RBFOX1: variants seen among roughly 807,000 people sequenced by gnomAD.
RBFOX1 encodes RNA binding protein fox-1 homolog 1.
A neutral mutation model predicts 57.7 loss-of-function variants in RBFOX1; 8 were observed. The observed-to-expected ratio is 0.14, with a 90% CI of 0.08 to 0.25. The LOEUF (loss-of-function observed/expected upper bound fraction) is 0.25. Ranked by LOEUF, RBFOX1 falls within the 10% of genes least tolerant of loss-of-function variation. The pLI, the probability that RBFOX1 is intolerant of heterozygous loss-of-function variation, is 1.00. For synonymous variants in RBFOX1, 326 were observed against 222.4 expected, an observed-to-expected ratio of 1.47 and a Z score of -4.15; for missense variants, 611 against 548.5, an observed-to-expected ratio of 1.11 and a Z score of -1.14.
Position 7,484,008 on chromosome 16 carries a change from C to G in RBFOX1, c.28-34139C>G, listed in dbSNP as rs74010519. Among the ~76,000 whole-genome samples the G allele has an allele frequency of 3.3e-5, 5 of 152,316 alleles. No homozygotes were observed. The East Asian group carries it at 7.7e-4, about 24-fold the overall frequency. ...TTATTTTCAGTCTATTCTGCCCCCC[C>G]ATTCCCTAACCCCTGGCAAGTATTA... On this transcript the variant is annotated intron_variant, in intron 4 of 15. Coordinates refer to ENST00000550418, the MANE Select transcript of RBFOX1 (RefSeq NM_018723.4).
intron 4 of RBFOX1, among the ~76,000 whole-genome samples, chr16:7,090,372 G>C (rs1041727416): frequency 6.6e-6 from 1 of 152,122 alleles, no homozygotes; most frequent in Admixed American, 6.5e-5. Flanking sequence ...GCTGGGGGGA[G>C]GTGTGGGGTA....
intron 2 of RBFOX1, among the ~76,000 whole-genome samples, chr16:6,506,054 G>A (rs1209520940): frequency 1.3e-5 from 2 of 152,182 alleles, no homozygotes; most frequent in African/African-American, 2.4e-5. Flanking sequence ...CCTGATTCTA[G>A]CAAAGCAGTT....
intron 1 of RBFOX1, among the ~76,000 whole-genome samples, chr16:6,029,950 G>A (rs1236320679): frequency 6.6e-6 from 1 of 152,126 alleles, no homozygotes; most frequent in Non-Finnish European, 1.5e-5. Flanking sequence ...AGTCTCATTT[G>A]TTGCCCAGGC....
intron 2 of RBFOX1, among the ~76,000 whole-genome samples, chr16:5,593,544 A>G (rs1321927030): frequency 1.3e-5 from 2 of 152,144 alleles, no homozygotes; most frequent in African/African-American, 4.8e-5. Context: ...AAGTTGGCCA[A>G]AACCCACCAA....
rs949540777 is a variant in RBFOX1, at chr16:7,568,574, T to C, written c.271-11203T>C. Among the ~76,000 whole-genome samples, 2 of 152,140 alleles carry C rather than the reference T, an allele frequency of 1.3e-5. 1 individual carries two copies. The highest frequency in any genetic ancestry group is 4.1e-4 in the South Asian group (2 of 4,824). ...ACCTGTATCTTGTGCTGACCTCTTA[T>C]CTCATCCTGTGACTTAGATTGCCTT... On this transcript the variant is annotated intron_variant, in intron 5 of 15. Transcript: ENST00000550418.
intron 3 of RBFOX1, among the ~76,000 whole-genome samples, chr16:5,679,424 T>G (rs1196871992): frequency 1.3e-5 from 2 of 152,068 alleles, no homozygotes; most frequent in African/African-American, 4.8e-5. Context: ...CCATGGTGGT[T>G]TGCTGCACCT....
intron 4 of RBFOX1, among the ~76,000 whole-genome samples, chr16:5,924,081 T>C (rs2058892475): frequency 6.6e-6 from 1 of 152,126 alleles, no homozygotes; most frequent in Non-Finnish European, 1.5e-5. Context: ...CTGATGGTTT[T>C]ATAAGCATCT....
chr16:6,658,384 T>C (rs1268640643), intron 3 of RBFOX1, among the ~76,000 whole-genome samples: 2 of 151,944 alleles, frequency 1.3e-5, no homozygotes, highest in Non-Finnish European at 2.9e-5. Flanking sequence ...AATTTTTGTA[T>C]TCTTAGTAGA....
chr16:5,248,608 G>A (rs1397089109), intron 1 of RBFOX1, among the ~76,000 whole-genome samples: 1 of 152,192 alleles, frequency 6.6e-6, no homozygotes. Flanking sequence ...GAGCGCTTGG[G>A]GGGTGGTCTG....
chr16:7,410,446 C>T (rs544323437), intron 4 of RBFOX1, among the ~76,000 whole-genome samples: 7 of 152,276 alleles, frequency 4.6e-5, no homozygotes, highest in East Asian at 3.9e-4. Flanking sequence ...CTTTGGGAGG[C>T]CAAGGTGGGT....
intron 2 of RBFOX1, among the ~76,000 whole-genome samples, chr16:6,603,132 T>C (rs1029936266): frequency 6.6e-6 from 1 of 152,234 alleles, no homozygotes; most frequent in Non-Finnish European, 1.5e-5. Flanking sequence ...AGCTGAATTG[T>C]TCTTTACAGA....
intron 3 of RBFOX1, among the ~76,000 whole-genome samples, chr16:6,768,203 C>G (rs1051283969): frequency 3.3e-5 from 5 of 151,878 alleles, no homozygotes; most frequent in African/African-American, 9.7e-5. Flanking sequence ...TCTCAAAAAA[C>G]AAAACAAGAC....
chr16:7,135,960 A>G (rs1384729752), intron 4 of RBFOX1, among the ~76,000 whole-genome samples: 6 of 152,244 alleles, frequency 3.9e-5, no homozygotes, highest in East Asian at 3.8e-4. Context: ...ATAAAGATCC[A>G]TAACAGTTGC....
chr16:5,891,117 C>T (rs927008320), intron 4 of RBFOX1, among the ~76,000 whole-genome samples: 1 of 152,188 alleles, frequency 6.6e-6, no homozygotes, highest in African/African-American at 2.4e-5. Context: ...ATAGTAGGCC[C>T]AGCACAGAAG....
At chr16:5,412,467 T>A (rs2067047192) in intron 1 of RBFOX1, among the ~76,000 whole-genome samples, 1 of 152,214 alleles carries the variant, frequency 6.6e-6, no homozygotes, top group African/African-American at 2.4e-5. Flanking sequence ...CTGTGGATGC[T>A]GGAATCTGAA....
chr16:6,661,676 T>C (rs746206662), intron 3 of RBFOX1, among the ~76,000 whole-genome samples: 29 of 152,280 alleles, frequency 1.9e-4, no homozygotes, highest in Non-Finnish European at 3.5e-4. Flanking sequence ...TGCAGGAAGC[T>C]GAACACTTTG....
At chr16:6,998,087 T>G (rs1013179377) in intron 3 of RBFOX1, among the ~76,000 whole-genome samples, 1 of 152,126 alleles carries the variant, frequency 6.6e-6, no homozygotes, top group East Asian at 1.9e-4. Flanking sequence ...TATAAATATA[T>G]GTACATTATA....
At chr16:6,936,126 C>T (rs2077331687) in intron 3 of RBFOX1, among the ~76,000 whole-genome samples, 1 of 152,158 alleles carries the variant, frequency 6.6e-6, no homozygotes, top group Non-Finnish European at 1.5e-5. Context: ...GGTTCAGCTT[C>T]TGTACACTTG....
At chr16:7,494,558 G>A (rs780941084) in intron 4 of RBFOX1, among the ~76,000 whole-genome samples, 4 of 152,180 alleles carry the variant, frequency 2.6e-5, no homozygotes, top group Non-Finnish European at 4.4e-5. Context: ...GAGATGTTCA[G>A]CATAGTGATA....
Sources: allele counts gnomAD v4.1 joint callset (sites outside exome capture counted in the v4.1 genomes callset), GRCh38; gene constraint gnomAD v4.1.1; transcripts MANE v1.5; gene names NCBI Gene and HGNC (gene_info 2026-07-23, HGNC 2026-07-21).